Variants in PDZRN4 observed in about 807,000 individuals in gnomAD.
PDZRN4 encodes PDZ domain-containing RING finger protein 4.
PDZRN4 carries 70 observed loss-of-function variants against 99.0 expected under a neutral mutation model. That is an observed-to-expected ratio of 0.71 (90% confidence interval 0.58 to 0.86). The LOEUF (loss-of-function observed/expected upper bound fraction) is 0.86, where lower values mean the gene tolerates loss of function less well. Ranked by LOEUF, PDZRN4 falls within the 40% of genes least tolerant of loss-of-function variation. The pLI is 0.00. For synonymous variants in PDZRN4, 551 were observed against 501.6 expected (o/e 1.10, Z -1.32); for missense variants, 1,474 against 1,331.2 (o/e 1.11, Z -1.67).
intron 9 of PDZRN4, among the ~76,000 whole-genome samples, chr12:41,571,941 T>C (rs781157198): frequency 8.5e-5 from 13 of 152,262 alleles, no homozygotes; most frequent in South Asian, 2.1e-4. Context: ...CATAAGGTGA[T>C]TGTGGCTTCT....
In PDZRN4 at chr12:41,200,957, C is replaced by T. The variant is rs549716356; in HGVS notation, c.843+6769C>T. The stretch of plus-strand genomic sequence containing the variant: ...TAAGCTTTTATCATTTTCACCTGGG[C>T]CTGCACAGTAGCTTCTTGAGAAAAC... On this transcript the variant is annotated intron_variant, in intron 3 of 9. Transcript: ENST00000402685. Among the ~76,000 whole-genome samples the T allele has an allele frequency of 4.5e-4, 69 of 152,132 alleles. No homozygotes were observed. The South Asian group carries it at 0.014, about 30-fold the overall frequency.
In PDZRN4 at chr12:41,555,218, C is replaced by G. The variant is rs149573766; in HGVS notation, c.1303-480C>G. Among the ~76,000 whole-genome samples the G allele has an allele frequency of 4.5e-3, 462 of 102,752 alleles. 15 individuals carry two copies. In the East Asian group the frequency reaches 0.11, roughly 24 times the overall value. 67.4% of individuals were successfully genotyped at this position (102,752 alleles called of 152,430 possible). On this transcript the variant is annotated intron_variant, in intron 6 of 9. Coordinates refer to ENST00000402685, the MANE Select transcript of PDZRN4 (RefSeq NM_001164595.2). Reference sequence around the variant, plus strand: ...TGCACTCCAGCCTGAGCGACAGAGCCAGACTCTGTCTCAAAAAAAAAAAAA... The same window carrying G: ...TGCACTCCAGCCTGAGCGACAGAGCGAGACTCTGTCTCAAAAAAAAAAAAA...
chr12:41,529,003 A>T (rs553988294), intron 5 of PDZRN4, among the ~76,000 whole-genome samples: 1 of 152,012 alleles, frequency 6.6e-6, no homozygotes, highest in African/African-American at 2.4e-5. Context: ...ATTTTATAGT[A>T]CTCAAATTGG....
intron 3 of PDZRN4, among the ~76,000 whole-genome samples, chr12:41,490,734 G>A (rs1827550647): frequency 6.6e-6 from 1 of 151,830 alleles, no homozygotes; most frequent in South Asian, 2.1e-4. Flanking sequence ...TAATTTATTG[G>A]CTTATTGATT....
chr12:41,313,253 C>T (rs1044586670), intron 3 of PDZRN4, among the ~76,000 whole-genome samples: 1 of 152,148 alleles, frequency 6.6e-6, no homozygotes, highest in Non-Finnish European at 1.5e-5. Flanking sequence ...ACTGCATCAC[C>T]ATCCTTCATC....
intron 3 of PDZRN4, among the ~76,000 whole-genome samples, chr12:41,247,024 C>G (rs968931494): frequency 6.6e-6 from 1 of 150,748 alleles, no homozygotes; most frequent in Non-Finnish European, 1.5e-5. Context: ...TTTTTTCTTT[C>G]AAATTCAACA....
intron 3 of PDZRN4, among the ~76,000 whole-genome samples, chr12:41,474,331 T>TA (rs955563053): frequency 1.3e-5 from 2 of 152,244 alleles, no homozygotes; most frequent in African/African-American, 4.8e-5. Flanking sequence ...GGCTATATTT[T>TA]AAAATTATTT....
At chr12:41,337,148 C>T (rs1483630836) in intron 3 of PDZRN4, among the ~76,000 whole-genome samples, 1 of 152,060 alleles carries the variant, frequency 6.6e-6, no homozygotes, top group African/African-American at 2.4e-5. Flanking sequence ...GTTAGTTCAG[C>T]CTACACCCAA....
chr12:41,326,150 A>AT lies in PDZRN4; in HGVS notation c.843+131972dup, dbSNP rs1555130103. 5.3e-5 allele frequency among the ~76,000 whole-genome samples: 8 copies of AT among 149,646 alleles called. No homozygotes were observed. The East Asian group carries it at 1.2e-3, about 22-fold the overall frequency. ...AAGCATGTGCCACCACACTCGGCTAATTTTTTTTTTAGAGATGGGGTTTCA... is the reference window on the plus strand; with the variant it reads ...AAGCATGTGCCACCACACTCGGCTAATTTTTTTTTTTAGAGATGGGGTTTCA... On this transcript the variant is annotated intron_variant, in intron 3 of 9. Transcript: ENST00000402685.
chr12:41,310,959 TTC>T (rs1381381653), intron 3 of PDZRN4, among the ~76,000 whole-genome samples: 3 of 152,148 alleles, frequency 2.0e-5, no homozygotes, highest in African/African-American at 7.2e-5. Context: ...ACTATCAGCT[TTC>T]TCTGATCTAG....
At position 41,188,356 on chromosome 12, in the gene PDZRN4, C is replaced by A; in HGVS notation, c.-100C>A. 8.3e-7 allele frequency: 1 copy of A among 1,203,686 alleles called. No homozygotes were observed. The highest frequency in any genetic ancestry group is 1.1e-6 in the Non-Finnish European group (1 of 893,700). The allele number at this position is 1,203,686 out of a possible 1,614,324, so 74.6% of individuals were successfully genotyped here. A position where few individuals can be genotyped will look rare whatever the true frequency, so the allele number is the denominator to read the frequency against. On this transcript the variant is annotated 5_prime_UTR_variant, in exon 1 of 10. Coordinates refer to ENST00000402685, the MANE Select transcript of PDZRN4 (RefSeq NM_001164595.2). ...CACCCGCCACCTCCCTCCACTGCCG[C>A]CGCCGCGAGACGGCTGCCCCGGGGG...
chr12:41,469,418 AGACTTTGCTGTAAATGAAAAT>A (rs770332530), intron 3 of PDZRN4, among the ~76,000 whole-genome samples: 24 of 152,212 alleles, frequency 1.6e-4, no homozygotes, highest in Non-Finnish European at 2.8e-4. Flanking sequence ...TTCTAAATTC[AGACTTTGCTGTAAATGAAAAT>A]GAACACCGAG....
chr12:41,419,885 TG>T (rs1952475384), intron 3 of PDZRN4, among the ~76,000 whole-genome samples: 1 of 152,192 alleles, frequency 6.6e-6, no homozygotes, highest in Non-Finnish European at 1.5e-5. Flanking sequence ...TGCTTGGAAC[TG>T]CAATTGTTTT....
intron 3 of PDZRN4, among the ~76,000 whole-genome samples, chr12:41,348,806 A>G (rs1265633161): frequency 6.6e-6 from 1 of 152,024 alleles, no homozygotes; most frequent in Non-Finnish European, 1.5e-5. Flanking sequence ...CAGAGAAGCT[A>G]CTGGGTTCAG....
At chr12:41,390,937 C>A (rs1347046568) in intron 3 of PDZRN4, among the ~76,000 whole-genome samples, 4 of 152,058 alleles carry the variant, frequency 2.6e-5, no homozygotes, top group African/African-American at 9.7e-5. Context: ...CTATCATGAA[C>A]AATAAAACAA....
chr12:41,238,585 A>G (rs554479973), intron 3 of PDZRN4, among the ~76,000 whole-genome samples: 2 of 152,264 alleles, frequency 1.3e-5, no homozygotes, highest in East Asian at 3.9e-4. Context: ...GACACCTCTC[A>G]AAAGAAGACA....
At chr12:41,205,065 A>G (rs1471713961) in intron 3 of PDZRN4, among the ~76,000 whole-genome samples, 1 of 151,942 alleles carries the variant, frequency 6.6e-6, no homozygotes, top group African/African-American at 2.4e-5. Context: ...AAAATGAATT[A>G]CTAGAAGAAA....
chr12:41,335,082 A>G (rs1045744469), intron 3 of PDZRN4, among the ~76,000 whole-genome samples: 2 of 152,102 alleles, frequency 1.3e-5, no homozygotes, highest in African/African-American at 4.8e-5. Flanking sequence ...TAAACATATT[A>G]AATATAAAGG....
intron 5 of PDZRN4, among the ~76,000 whole-genome samples, chr12:41,541,209 T>G (rs1184712530): frequency 6.6e-6 from 1 of 151,456 alleles, no homozygotes; most frequent in East Asian, 2.0e-4. Flanking sequence ...GGAATACGGG[T>G]GTGAGCCACC....
Sources: gnomAD v4.1 joint callset for allele counts (sites outside exome capture counted in the v4.1 genomes callset) on GRCh38, gnomAD v4.1.1 for gene constraint, MANE v1.5 for transcripts, NCBI Gene and HGNC (gene_info 2026-07-23, HGNC 2026-07-21) for gene names.